The following FRMD3 variants were observed in gnomAD, a reference collection of about 807,000 sequenced individuals.
The protein encoded by FRMD3 is FERM domain containing 3, also known as FERM domain-containing protein 3.
FRMD3 carries 33 observed loss-of-function variants against 70.2 expected under a neutral mutation model. That is an observed-to-expected ratio of 0.47 (90% CI 0.36 to 0.63). FRMD3 has a LOEUF of 0.63. Ranked by LOEUF, FRMD3 falls within the 20% of genes least tolerant of loss-of-function variation. The probability of loss-of-function intolerance (pLI) is 0.00; values close to 1 mark genes in which losing one functional copy is unlikely to be tolerated. For synonymous variants in FRMD3, 279 were observed against 255.9 expected, an observed-to-expected ratio of 1.09 and a Z score of -0.86; for missense variants, 632 against 711.4, an observed-to-expected ratio of 0.89 and a Z score of 1.27.
At chr9:83,430,044 C>T (rs1365772202) in intron 1 of FRMD3, among the ~76,000 whole-genome samples, 1 of 152,208 alleles carries the variant, frequency 6.6e-6, no homozygotes, top group East Asian at 1.9e-4. Context: ...GTTCCCCCAT[C>T]ACTAATCACT....
chr9:83,466,605 T>G (rs1003759840), intron 1 of FRMD3, among the ~76,000 whole-genome samples: 1 of 152,122 alleles, frequency 6.6e-6, no homozygotes. Flanking sequence ...AGCCAACCTT[T>G]CTAGGTACCC....
At chr9:83,449,448 T>C (rs1413891935) in intron 1 of FRMD3, among the ~76,000 whole-genome samples, 1 of 151,924 alleles carries the variant, frequency 6.6e-6, no homozygotes. Context: ...GGTCATGGGG[T>C]TTATTGTATT....
chr9:83,569,478 A>G, the FRMD3 span, among the ~76,000 whole-genome samples: 1 of 152,258 alleles, frequency 6.6e-6, no homozygotes, highest in African/African-American at 2.4e-5. Flanking sequence ...AGAAACGGGG[A>G]CTTGCCACCC....
At chr9:83,424,994 C>A (rs1390616864) in intron 1 of FRMD3, among the ~76,000 whole-genome samples, 3 of 152,192 alleles carry the variant, frequency 2.0e-5, no homozygotes, top group African/African-American at 7.2e-5. Context: ...GAGAAGAGGG[C>A]AATGACACCC....
intron 3 of FRMD3, among the ~76,000 whole-genome samples, chr9:83,352,590 C>G (rs1348062927): frequency 6.6e-6 from 1 of 152,188 alleles, no homozygotes; most frequent in African/African-American, 2.4e-5. Flanking sequence ...CTCCCACGTA[C>G]ATGAAGAGTC....
chr9:83,560,811 C>T, the FRMD3 span, among the ~76,000 whole-genome samples: 1 of 152,146 alleles, frequency 6.6e-6, no homozygotes. Context: ...TTGGCTAGGA[C>T]CAAGATATGG....
the FRMD3 span, among the ~76,000 whole-genome samples, chr9:83,551,594 C>A: frequency 6.6e-6 from 1 of 152,126 alleles, no homozygotes; most frequent in African/African-American, 2.4e-5. Flanking sequence ...AGCTGTGAAT[C>A]CATCAGGTCC....
chr9:83,365,172 T>C (rs10868000), intron 3 of FRMD3, among the ~76,000 whole-genome samples: 43,112 of 152,140 alleles, frequency 0.28, 6,873 homozygotes, highest in Non-Finnish European at 0.35. Flanking sequence ...CTTAAGAACA[T>C]TGTTAAATGC....
chr9:83,303,826 G>A (rs887078484), intron 10 of FRMD3, among the ~76,000 whole-genome samples: 1 of 152,218 alleles, frequency 6.6e-6, no homozygotes, highest in African/African-American at 2.4e-5. Context: ...TATCTAATAC[G>A]AAAACATTTT....
chr9:83,289,053 C>A (rs1337314294), intron 13 of FRMD3, among the ~76,000 whole-genome samples: 1 of 152,174 alleles, frequency 6.6e-6, no homozygotes, highest in African/African-American at 2.4e-5. Context: ...ATTAGCCACA[C>A]CCTCCTTCAT....
intron 1 of FRMD3, among the ~76,000 whole-genome samples, chr9:83,514,623 A>G (rs2131535589): frequency 6.6e-6 from 1 of 152,290 alleles, no homozygotes; most frequent in East Asian, 1.9e-4. Context: ...TAAGGGACAG[A>G]CTGCCTCCTC....
intron 2 of FRMD3, among the ~76,000 whole-genome samples, chr9:83,385,219 C>T (rs1825478412): frequency 6.6e-6 from 1 of 151,878 alleles, no homozygotes; most frequent in Non-Finnish European, 1.5e-5. Flanking sequence ...AAGCCAAGTA[C>T]TACCTTCTTC....
chr9:83,480,655 C>G (rs1293108276), intron 1 of FRMD3, among the ~76,000 whole-genome samples: 1 of 152,060 alleles, frequency 6.6e-6, no homozygotes, highest in African/African-American at 2.4e-5. Context: ...GCCACCACAC[C>G]CAGCTAATTC....
chr9:83,283,786 T>C (rs1256323736), intron 13 of FRMD3, among the ~76,000 whole-genome samples: 1 of 152,148 alleles, frequency 6.6e-6, no homozygotes, highest in African/African-American at 2.4e-5. Flanking sequence ...GCGAAAATGA[T>C]GCTTAAAACA....
chr9:83,423,723 C>T (rs948407773), intron 1 of FRMD3, among the ~76,000 whole-genome samples: 2 of 150,780 alleles, frequency 1.3e-5, no homozygotes, highest in African/African-American at 2.4e-5. Context: ...CAGCCTCCTG[C>T]GTAGCTGGAA....
chr9:83,391,550 G>A (rs1825665484), intron 1 of FRMD3, among the ~76,000 whole-genome samples: 2 of 152,138 alleles, frequency 1.3e-5, no homozygotes. Context: ...GATTGAGCAG[G>A]CCTTGATTGT....
intron 1 of FRMD3, among the ~76,000 whole-genome samples, chr9:83,434,819 C>CCCTTTT (rs1827086409): frequency 1.3e-5 from 1 of 74,878 alleles, no homozygotes; most frequent in Admixed American, 1.8e-4. Context: ...CACCCCTCTG[C>CCCTTTT]TTTTTTTTTT....
At chr9:83,320,171 C>CA (rs903328774) in intron 6 of FRMD3, among the ~76,000 whole-genome samples, 1 of 152,070 alleles carries the variant, frequency 6.6e-6, no homozygotes, top group Admixed American at 6.5e-5. Flanking sequence ...ATTGCTCTAG[C>CA]AAGGACTTCC....
chr9:83,482,620 A>G (rs1828594375), intron 1 of FRMD3, among the ~76,000 whole-genome samples: 1 of 152,222 alleles, frequency 6.6e-6, no homozygotes, highest in Non-Finnish European at 1.5e-5. Flanking sequence ...GGTATACACA[A>G]TAAAGATGGT....
Sources: gnomAD v4.1 joint callset for allele counts (sites outside exome capture counted in the v4.1 genomes callset) on GRCh38, gnomAD v4.1.1 for gene constraint, MANE v1.5 for transcripts, NCBI Gene and HGNC (gene_info 2026-07-23, HGNC 2026-07-21) for gene names.